KCTD13: variants seen among roughly 807,000 people sequenced by gnomAD.
The protein encoded by KCTD13 is BTB/POZ domain-containing adapter for CUL3-mediated RhoA degradation protein 1.
Under a neutral mutation model 32.3 loss-of-function variants are expected in KCTD13, and 15 were observed. That is an observed-to-expected ratio of 0.46 (90% CI 0.31 to 0.71). KCTD13 has a LOEUF of 0.71. Ranked by LOEUF, KCTD13 falls within the 30% of genes least tolerant of loss-of-function variation. KCTD13 has a pLI of 0.05. For synonymous variants in KCTD13, 189 were observed against 200.1 expected (o/e 0.94, Z 0.47); for missense variants, 337 against 452.6 (o/e 0.74, Z 2.32).
At chr16:29,925,457 T>A (rs2068978238) in intron 1 of KCTD13, 1 of 379,776 alleles carries the variant, frequency 2.6e-6, no homozygotes, top group Non-Finnish European at 4.9e-6. Flanking sequence ...GCAGCAGGGC[T>A]AGTTCCCAAG....
Position 29,906,960 on chromosome 16 carries a change from C to T in KCTD13, c.902G>A (p.Arg301Gln), listed in dbSNP as rs375929724. Reference sequence around the variant, plus strand: ...ATGGATCCTGCGGACACGGTGCTCTCGGTTCTCTTCATCCTCCCCGCGGCC... The same window carrying T: ...ATGGATCCTGCGGACACGGTGCTCTTGGTTCTCTTCATCCTCCCCGCGGCC... ...GAGRGEDEEN[R>Q]EHRVRRIHVR... The change falls in exon 6 of 6, where the codon CGA (arginine) becomes CAA (glutamine). Residue 301 changes from arginine to glutamine, a missense_variant. This residue lies in a region of KCTD13 where 252 missense variants were observed against 340.2 expected (regional missense o/e 0.74). Transcript: ENST00000568000. 37 of 1,614,044 alleles carry T rather than the reference C, an allele frequency of 2.3e-5. No homozygotes were observed. Among genetic ancestry groups the T allele is most frequent in the Non-Finnish European group, 3.1e-5 (36 of 1,180,046 alleles).
chr16:29,911,890 CGA>C (rs1567441572), intron 3 of KCTD13, 23 bp from the exon 4 acceptor site: 5 of 1,611,472 alleles, frequency 3.1e-6, no homozygotes, highest in East Asian at 2.2e-5. Context: ...AGAGGATGGA[CGA>C]GAGGGGTGAG....
chr16:29,925,716 C>G, intron 1 of KCTD13, 74 bp downstream of exon 1: 2 of 1,492,200 alleles, frequency 1.3e-6, no homozygotes, highest in South Asian at 1.2e-5. Context: ...CATGAGGAGC[C>G]CCGGTGGTGA....
chr16:29,911,587 C>T (rs917172417), intron 4 of KCTD13: 1 of 597,754 alleles, frequency 1.7e-6, no homozygotes, highest in Non-Finnish European at 3.0e-6. Context: ...GATAGGCTCG[C>T]CACTATCACT....
At position 29,910,970 on chromosome 16, in the gene KCTD13, C is replaced by T. The variant is rs372998646; in HGVS notation, c.753+8G>A. 2.7e-5 allele frequency: 44 copies of T among 1,613,038 alleles called. No homozygotes were observed. The African/African-American group carries it at 5.5e-4, about 20-fold the overall frequency. ...AGCCCCCAACATAGGCTCTGGAGCC[C>T]CTCTGACCTTGGTCTGCTTCTTCTC... On this transcript the variant is annotated splice_region_variant and intron_variant, in intron 5 of 5. Transcript: ENST00000568000.
chr16:29,907,181 C>T (rs1347198321), intron 5 of KCTD13, 73 bp from the exon 6 acceptor site: 2 of 1,073,446 alleles, frequency 1.9e-6, no homozygotes, highest in African/African-American at 3.1e-5. Context: ...TGCCTAGGGC[C>T]CCTGCACCAA....
chr16:29,908,135 G>C (rs528667545), intron 5 of KCTD13, among the ~76,000 whole-genome samples: 4 of 152,166 alleles, frequency 2.6e-5, no homozygotes, highest in Non-Finnish European at 5.9e-5. Flanking sequence ...CCAAAGGAGT[G>C]GGGGAGGGGA....
In KCTD13 at chr16:29,925,823, T is replaced by C; in HGVS notation, c.211A>G (p.Ser71Gly). 6.2e-7 allele frequency: 1 copy of C among 1,613,934 alleles called. No homozygotes were observed. Among genetic ancestry groups the C allele is most frequent in the Non-Finnish European group, 8.5e-7 (1 of 1,179,958 alleles). ...GQDTMLKAMF[S>G]GRVEVLTDAG... ...TCGGTCAGCACCTCCACGCGGCCGCTGAACATGGCTTTGAGCATGGTGTCC... is the reference window on the plus strand; with the variant it reads ...TCGGTCAGCACCTCCACGCGGCCGCCGAACATGGCTTTGAGCATGGTGTCC... Residue 71 changes from serine to glycine, a missense_variant, in exon 1 of 6, where the codon AGC becomes GGC. Ser to Gly is a moderately conservative substitution (Grantham distance 56). Transcript: ENST00000568000.
intron 2 of KCTD13, chr16:29,922,532 G>A (rs147700375): frequency 1.4e-3 from 208 of 153,526 alleles, no homozygotes; most frequent in African/African-American, 4.6e-3. Context: ...CACTGAGTCA[G>A]CTGTGACAGA....
Position 29,911,067 on chromosome 16 carries a change from A to G in KCTD13, c.664T>C (p.Cys222Arg), listed in dbSNP as rs2068699263. The change falls in exon 5 of 6, where the codon TGC becomes CGC. Residue 222 changes from cysteine to arginine, a missense_variant. Transcript: ENST00000568000. Reference sequence around the variant, plus strand: ...CCCTGCCCGTAGAAAGACCAGCAGCAGATCTCGTCCCCCAGGACATCCTTG... The same window carrying G: ...CCCTGCCCGTAGAAAGACCAGCAGCGGATCTCGTCCCCCAGGACATCCTTG... ...FLKDVLGDEI[C>R]CWSFYGQGRK... 2 of 1,614,188 alleles carry G rather than the reference A, an allele frequency of 1.2e-6. No individual in the cohort carries two copies. The highest frequency in any genetic ancestry group is 1.7e-6 in the Non-Finnish European group (2 of 1,180,018).
In KCTD13 at chr16:29,913,212, T is replaced by A. The variant is rs562256618; in HGVS notation, c.415-1163A>T. ...ACCACAGCTTACAGCAGCCTTGACC[T>A]CCTGGGCTCAAGCCATCCTCCCAAA... On this transcript the variant is annotated intron_variant, in intron 2 of 5. Transcript: ENST00000568000. 4 of 146,450 alleles carry A rather than the reference T, an allele frequency of 2.7e-5. No individual in the cohort carries two copies. The East Asian group carries it at 6.4e-4, about 23-fold the overall frequency. 9.1% of individuals were successfully genotyped at this position (146,450 alleles called of 1,614,324 possible).
rs2068614733 is a variant in KCTD13 at position 29,906,473 on chromosome 16, GGGA to G, written c.*396_*398del. 2.1e-6 allele frequency: 1 copy of G among 465,416 alleles called. No individual in the cohort carries two copies. The highest frequency in any genetic ancestry group is 2.0e-5 in the African/African-American group (1 of 50,460). The allele number at this position is 465,416 out of a possible 1,614,324, so 28.8% of individuals were successfully genotyped here. A position where few individuals can be genotyped will look rare whatever the true frequency, so the allele number is the denominator to read the frequency against. On this transcript the variant is annotated 3_prime_UTR_variant, in exon 6 of 6. Transcript: ENST00000568000. ...AGTTAAGGAGGTAGGGAGGATGGTG[GGGA>G]GGAGGGGGCGGACTACCCTGCAGGA...
At chr16:29,921,753 T>G (rs1028119503) in intron 2 of KCTD13, 1 of 152,150 alleles carries the variant, frequency 6.6e-6, no homozygotes, top group African/African-American at 2.4e-5. Context: ...ATGGATCACG[T>G]GAGGTCAGGA....
intron 2 of KCTD13, among the ~76,000 whole-genome samples, chr16:29,918,649 TTTTATTTATTTA>T (rs935758006): frequency 6.6e-6 from 1 of 151,676 alleles, no homozygotes; most frequent in Non-Finnish European, 1.5e-5. Flanking sequence ...TTTTGTAATT[TTTTATTTATTTA>T]TTTATTTATT....
chr16:29,918,469 A>G (rs2068848726), intron 2 of KCTD13, among the ~76,000 whole-genome samples: 1 of 152,050 alleles, frequency 6.6e-6, no homozygotes, highest in South Asian at 2.1e-4. Context: ...TATTTATTTT[A>G]TTATTTATTC....
rs1352568982 is a variant in KCTD13, at chr16:29,906,407, G to A, written c.*465C>T. ...AATAATAAATAATATGAAACAGACT[G>A]ATAACGCTGAGCTGGGCAGGCCCAG... is the stretch of plus-strand genomic sequence containing the variant. On this transcript the variant is annotated 3_prime_UTR_variant, in exon 6 of 6. Coordinates refer to ENST00000568000, the MANE Select transcript of KCTD13 (RefSeq NM_178863.5). 2 of 340,560 alleles carry A rather than the reference G, an allele frequency of 5.9e-6. No homozygotes were observed. The highest frequency in any genetic ancestry group is 1.2e-5 in the Non-Finnish European group (2 of 171,614). 21.1% of individuals were successfully genotyped at this position (340,560 alleles called of 1,614,324 possible).
Position 29,926,166 on chromosome 16 carries a change from T to G in KCTD13, c.-133A>C, listed in dbSNP as rs879174712. 3 of 1,056,912 alleles carry G rather than the reference T, an allele frequency of 2.8e-6. No individual in the cohort carries two copies. Among genetic ancestry groups the G allele is most frequent in the Admixed American group, 3.9e-5 (1 of 25,448 alleles). 65.5% of individuals were successfully genotyped at this position (1,056,912 alleles called of 1,614,324 possible). On this transcript the variant is annotated 5_prime_UTR_variant, in exon 1 of 6. Transcript: ENST00000568000. ...ACACGCCCACTCACCGCAGCTACTC[T>G]GCAAGACCGGCCCTCCGCCCCATCT...
chr16:29,916,606 G>A (rs1418928261), intron 2 of KCTD13, among the ~76,000 whole-genome samples: 1 of 151,800 alleles, frequency 6.6e-6, no homozygotes, highest in East Asian at 2.0e-4. Context: ...GCTCATGCCT[G>A]TAATCTCAGC....
Position 29,923,261 on chromosome 16 carries a change from C to T in KCTD13, c.343G>A (p.Gly115Arg), listed in dbSNP as rs767882731. 1 of 1,614,202 alleles carries T rather than the reference C, an allele frequency of 6.2e-7. No individual in the cohort carries two copies. The highest frequency in any genetic ancestry group is 8.5e-7 in the Non-Finnish European group (1 of 1,180,044). Residue 115 changes from glycine (G) to arginine (R), a missense_variant, in exon 2 of 6, where the codon GGG becomes AGG. Transcript: ENST00000568000. ...VPLPESTREL[G>R]ELLGEARYYL... ...TAGCGTGCTTCGCCCAGCAGCTCCCCCAGTTCTCTCGTACTCTCCGGCAGT... is the reference window on the plus strand; with the variant it reads ...TAGCGTGCTTCGCCCAGCAGCTCCCTCAGTTCTCTCGTACTCTCCGGCAGT...
Sources: allele counts gnomAD v4.1 joint callset (sites outside exome capture counted in the v4.1 genomes callset), GRCh38; gene constraint gnomAD v4.1.1; regional missense constraint gnomAD v4.1.1; transcripts MANE v1.5; gene names NCBI Gene and HGNC (gene_info 2026-07-23, HGNC 2026-07-21).